Variants in CYP3A43 observed in about 807,000 individuals in gnomAD.
The protein encoded by CYP3A43 is cytochrome P450 3A43.
Under a neutral mutation model 58.0 loss-of-function variants are expected in CYP3A43, and 45 were observed. The observed-to-expected ratio is 0.78, with a 90% CI of 0.61 to 0.99. The LOEUF (loss-of-function observed/expected upper bound fraction) is 0.99. Ranked by LOEUF, CYP3A43 falls within the 50% of genes least tolerant of loss-of-function variation. CYP3A43 has a pLI of 0.00. For synonymous variants in CYP3A43, 191 were observed against 201.4 expected (o/e 0.95, Z 0.44); for missense variants, 593 against 591.9 (o/e 1.00, Z -0.02).
intron 4 of CYP3A43, among the ~76,000 whole-genome samples, chr7:99,845,107 A>T (rs938399001): frequency 4.0e-5 from 6 of 151,564 alleles, no homozygotes; most frequent in African/African-American, 1.5e-4. Flanking sequence ...AATGCTTTAC[A>T]TTTAAGTTTA....
rs764350332 is a variant in CYP3A43 at position 99,849,579 on chromosome 7, T to G, written c.555T>G (p.Thr185=). Reference sequence around the variant, plus strand: ...GGGCCTACACCATGGATGTAATCACTGGCACATTATTTGGAGTGAACTTGG... The same window carrying G: ...GGGCCTACACCATGGATGTAATCACGGGCACATTATTTGGAGTGAACTTGG... The part of the protein sequence containing the change: ...FFGAYTMDVI[T]GTLFGVNLDS... The change falls in exon 7 of 13, where the codon ACT becomes ACG. Residue 185 remains threonine (T), a synonymous_variant. Coordinates refer to ENST00000354829, the MANE Select transcript of CYP3A43 (RefSeq NM_057095.3). 9 of 1,612,560 alleles carry G rather than the reference T, an allele frequency of 5.6e-6. No homozygotes were observed. The South Asian group carries it at 9.9e-5, about 18-fold the overall frequency.
At chr7:99,858,056 T>G (rs1818058699) in intron 9 of CYP3A43, among the ~76,000 whole-genome samples, 1 of 152,140 alleles carries the variant, frequency 6.6e-6, no homozygotes, top group Non-Finnish European at 1.5e-5. Flanking sequence ...ACATGGCTAT[T>G]GAGTACTGAA....
chr7:99,860,114 C>A, intron 10 of CYP3A43, 124 bp downstream of exon 10: 1 of 1,205,292 alleles, frequency 8.3e-7, no homozygotes, highest in Non-Finnish European at 1.1e-6. Context: ...TTACACTATG[C>A]AGAAAGGCTG....
At chr7:99,835,651 G>A (rs114143969) in intron 1 of CYP3A43, among the ~76,000 whole-genome samples, 226 of 152,256 alleles carry the variant, frequency 1.5e-3, no homozygotes, top group African/African-American at 4.1e-3. Context: ...TGTATGTGCA[G>A]GTTTCTAACT....
rs1818423139 is a variant in CYP3A43 at position 99,865,816 on chromosome 7, C to T, written c.1417-90C>T. ...TAGTTTTTTTTTAGTCATTGCAAAGCATTACCCTTGATGTCATCTTTTTTA... is the reference window on the plus strand; with the variant it reads ...TAGTTTTTTTTTAGTCATTGCAAAGTATTACCCTTGATGTCATCTTTTTTA... On this transcript the variant is annotated intron_variant, in intron 12 of 12. Transcript: ENST00000354829. The T allele has an allele frequency of 9.2e-6, 8 of 867,750 alleles. No individual in the cohort carries two copies. In the South Asian group the frequency reaches 1.6e-4, roughly 17 times the overall value. 53.8% of individuals were successfully genotyped at this position (867,750 alleles called of 1,614,324 possible).
intron 6 of CYP3A43, among the ~76,000 whole-genome samples, 200 bp downstream of exon 6, chr7:99,848,454 G>A (rs574623821): frequency 6.6e-6 from 1 of 152,310 alleles, no homozygotes; most frequent in East Asian, 1.9e-4. Context: ...CTTCTCCCCT[G>A]TGCACAGGAG....
At chr7:99,839,724 GT>G (rs1378330437) in intron 3 of CYP3A43, among the ~76,000 whole-genome samples, 2 of 152,186 alleles carry the variant, frequency 1.3e-5, no homozygotes, top group African/African-American at 4.8e-5. Context: ...CCCCCAGTGG[GT>G]CTTCTGACCT....
chr7:99,841,125 A>G (rs1343816575), intron 3 of CYP3A43, among the ~76,000 whole-genome samples: 1 of 152,168 alleles, frequency 6.6e-6, no homozygotes, highest in Non-Finnish European at 1.5e-5. Flanking sequence ...TAAGGAGCCG[A>G]TGTGGCTTTT....
rs145743239 is a variant in CYP3A43 at position 99,863,596 on chromosome 7, G to A, written c.1313G>A (p.Gly438Glu). The A allele has an allele frequency of 6.8e-4, 1,098 of 1,614,004 alleles. 6 individuals are homozygous for A. Among genetic ancestry groups the A allele is most frequent in the Middle Eastern group, 5.3e-3 (32 of 6,062 alleles). ...TACAGATACATACCTTTTGGAGCTG[G>A]ACCCCGAAACTGCATTGGCATGAGG... is the stretch of plus-strand genomic sequence containing the variant. Reference protein sequence around the residue: ...DLYRYIPFGAGPRNCIGMRFA... With the variant: ...DLYRYIPFGAEPRNCIGMRFA... The change falls in exon 12 of 13, where the codon GGA becomes GAA. Residue 438 changes from glycine (G) to glutamate (E), a missense_variant. Transcript: ENST00000354829.
intron 2 of CYP3A43, among the ~76,000 whole-genome samples, chr7:99,836,855 GA>G (rs1180723631): frequency 6.6e-6 from 1 of 152,168 alleles, no homozygotes; most frequent in Non-Finnish European, 1.5e-5. Flanking sequence ...AGATTTTTGA[GA>G]AGCTACAGTT....
rs1036820220 is a variant in CYP3A43 at position 99,864,535 on chromosome 7, G to C, written c.1416+836G>C. The stretch of plus-strand genomic sequence containing the variant: ...TCTGCTTTGTTACTGTTTATTGCAG[G>C]CTGTTATCATCACCTAATCTTATAC... On this transcript the variant is annotated intron_variant, in intron 12 of 12. Coordinates refer to ENST00000354829, the MANE Select transcript of CYP3A43 (RefSeq NM_057095.3). Among the ~76,000 whole-genome samples the C allele has an allele frequency of 2.7e-5, 4 of 148,666 alleles. No homozygotes were observed. The East Asian group carries it at 7.7e-4, about 29-fold the overall frequency.
chr7:99,851,325 A>G (rs1817752075), intron 7 of CYP3A43, among the ~76,000 whole-genome samples: 1 of 152,230 alleles, frequency 6.6e-6, no homozygotes, highest in Non-Finnish European at 1.5e-5. Flanking sequence ...TATATTCAGC[A>G]GTGGAATGGA....
At chr7:99,848,383 A>G (rs1817620822) in intron 6 of CYP3A43, 129 bp downstream of exon 6, 1 of 859,734 alleles carries the variant, frequency 1.2e-6, no homozygotes, top group African/African-American at 1.7e-5. Context: ...TTGCAACTCC[A>G]ATAGGCCACC....
intron 9 of CYP3A43, among the ~76,000 whole-genome samples, chr7:99,857,784 A>G (rs1818044157): frequency 6.6e-6 from 1 of 152,232 alleles, no homozygotes; most frequent in African/African-American, 2.4e-5. Context: ...CGGAGGTTGC[A>G]GTGAGCCAAG....
intron 7 of CYP3A43, 56 bp downstream of exon 7, chr7:99,849,750 A>G (rs1175458866): frequency 4.5e-5 from 66 of 1,480,798 alleles, no homozygotes; most frequent in Non-Finnish European, 5.7e-5. Flanking sequence ...TAATTTTTAA[A>G]AACAGTTTTA....
At chr7:99,839,855 G>A (rs1353868192) in intron 3 of CYP3A43, among the ~76,000 whole-genome samples, 1 of 152,214 alleles carries the variant, frequency 6.6e-6, no homozygotes, top group Non-Finnish European at 1.5e-5. Context: ...AAACTGGTTA[G>A]GACTAGGTGT....
intron 7 of CYP3A43, 153 bp from the exon 8 acceptor site, chr7:99,855,438 G>A: frequency 1.0e-6 from 1 of 991,092 alleles, no homozygotes; most frequent in South Asian, 1.8e-5. Flanking sequence ...AGGGGCAAAG[G>A]TCATACAGGA....
chr7:99,849,988 C>T (rs372536361), intron 7 of CYP3A43: 40 of 426,812 alleles, frequency 9.4e-5, no homozygotes, highest in African/African-American at 5.6e-4. Flanking sequence ...GACAGAGTCT[C>T]GCTGTGTTGC....
rs1021398944 is a variant in CYP3A43, at chr7:99,859,834, G to A, written c.870G>A (p.Leu290=). The change falls in exon 10 of 13, where the codon CTG becomes CTA. Residue 290 remains leucine (L), a synonymous_variant. Coordinates refer to ENST00000354829, the MANE Select transcript of CYP3A43 (RefSeq NM_057095.3). The part of the protein sequence containing the change: ...NSKETKSHKA[L]SDLELVAQSI... ...ATATATTTCCTCTCCTTTCAGCTCT[G>A]TCTGATCTGGAGCTTGTGGCCCAGT... 3.7e-6 allele frequency: 6 copies of A among 1,613,960 alleles called. No individual in the cohort carries two copies. The highest frequency in any genetic ancestry group is 1.6e-4 in the Middle Eastern group (1 of 6,084).
Sources: allele counts gnomAD v4.1 joint callset (sites outside exome capture counted in the v4.1 genomes callset), GRCh38; gene constraint gnomAD v4.1.1; transcripts MANE v1.5; gene names NCBI Gene and HGNC (gene_info 2026-07-23, HGNC 2026-07-21).